Variants in FKBP5 observed in about 807,000 individuals in gnomAD.
The protein encoded by FKBP5 is peptidyl-prolyl cis-trans isomerase FKBP5.
Under a neutral mutation model 50.5 loss-of-function variants are expected in FKBP5, and 23 were observed. The ratio of observed to expected loss-of-function variants is 0.46; its 90% CI spans 0.33 to 0.65. The LOEUF is 0.65. Among genes scored for constraint, FKBP5 ranks in the 30% least tolerant of loss-of-function variants. The pLI, the probability that FKBP5 is intolerant of heterozygous loss-of-function variation, is 0.02. For synonymous variants in FKBP5, 176 were observed against 190.6 expected, an observed-to-expected ratio of 0.92 and a Z score of 0.63; for missense variants, 411 against 553.1, an observed-to-expected ratio of 0.74 and a Z score of 2.58.
At chr6:35,621,172 A>G (rs1412760258) in intron 3 of FKBP5, among the ~76,000 whole-genome samples, 1 of 152,256 alleles carries the variant, frequency 6.6e-6, no homozygotes, top group Non-Finnish European at 1.5e-5. Flanking sequence ...TACTTCCAGG[A>G]AACTAAGTTA....
intron 4 of FKBP5, among the ~76,000 whole-genome samples, chr6:35,619,762 A>G (rs1330050303): frequency 6.6e-6 from 1 of 152,232 alleles, no homozygotes; most frequent in Non-Finnish European, 1.5e-5. Context: ...ATAAATTTTT[A>G]TAATATGTAA....
At chr6:35,723,786 G>A (rs1390840344) in intron 1 of FKBP5, among the ~76,000 whole-genome samples, 1 of 152,242 alleles carries the variant, frequency 6.6e-6, no homozygotes, top group Non-Finnish European at 1.5e-5. Flanking sequence ...AGATAAGGCT[G>A]GCACGGGCAG....
At chr6:35,727,840 C>T (rs1271521215) in intron 1 of FKBP5, among the ~76,000 whole-genome samples, 1 of 152,196 alleles carries the variant, frequency 6.6e-6, no homozygotes, top group Non-Finnish European at 1.5e-5. Flanking sequence ...CCTGCTCCCT[C>T]CCCCAGCTGT....
At chr6:35,678,404 T>C (rs141305809) in intron 1 of FKBP5, among the ~76,000 whole-genome samples, 1 of 152,208 alleles carries the variant, frequency 6.6e-6, no homozygotes, top group East Asian at 1.9e-4. Context: ...ATGATGAAGG[T>C]TTTAGAGAAA....
Position 35,700,723 on chromosome 6 carries a change from C to G in FKBP5, c.-20+19605G>C, listed in dbSNP as rs186976823. ...CTGCAATCCCAGCACTTTGGGAGGC[C>G]GAGGTGGGCGGATCACCTGAGGTCA... On this transcript the variant is annotated intron_variant, in intron 2 of 11. Coordinates refer to the FKBP5 transcript ENST00000536438. 7.2e-3 allele frequency among the ~76,000 whole-genome samples: 1,097 copies of G among 152,226 alleles called. 9 individuals carry two copies. Among genetic ancestry groups the G allele is most frequent in the South Asian group, 0.019 (90 of 4,826 alleles).
At chr6:35,648,188 A>G (rs1343747275) in intron 1 of FKBP5, among the ~76,000 whole-genome samples, 1 of 152,106 alleles carries the variant, frequency 6.6e-6, no homozygotes, top group African/African-American at 2.4e-5. Context: ...ATGGTTGAGA[A>G]CCACTGGACA....
At chr6:35,606,659 C>CAAAAAAAAAAAAA (rs61139697) in intron 5 of FKBP5, among the ~76,000 whole-genome samples, 1 of 25,134 alleles carries the variant, frequency 4.0e-5, no homozygotes, top group African/African-American at 1.5e-4. Context: ...GACTCCGTCT[C>CAAAAAAAAAAAAA]AAAAAAAAAA....
intron 5 of FKBP5, among the ~76,000 whole-genome samples, chr6:35,613,225 A>T (rs1437784643): frequency 1.3e-5 from 2 of 151,532 alleles, no homozygotes; most frequent in Admixed American, 6.6e-5. Context: ...TTATTTATTT[A>T]TTTTTTTGAG....
intron 3 of FKBP5, among the ~76,000 whole-genome samples, chr6:35,626,543 C>T (rs1432317651): frequency 2.0e-5 from 3 of 152,144 alleles, no homozygotes; most frequent in Non-Finnish European, 4.4e-5. Context: ...TTAAAGTGCA[C>T]AGTTCACTAT....
At position 35,642,843 on chromosome 6, in the gene FKBP5, C is replaced by G. The variant is rs374839766; in HGVS notation, c.-19G>C. Reference sequence around the variant, plus strand: ...TAGTCATTGTCTTTTAAGTAGAGAACCTGGTAAGAAGAAAAATATTTTAGC... The same window carrying G: ...TAGTCATTGTCTTTTAAGTAGAGAAGCTGGTAAGAAGAAAAATATTTTAGC... On this transcript the variant is annotated splice_region_variant and 5_prime_UTR_variant, in exon 2 of 11. Coordinates refer to ENST00000357266, the MANE Select transcript of FKBP5 (RefSeq NM_004117.4). The G allele has an allele frequency of 7.5e-6, 12 of 1,596,332 alleles. No individual in the cohort carries two copies. The highest frequency in any genetic ancestry group is 6.7e-5 in the East Asian group (3 of 44,692).
At chr6:35,576,023 G>C in intron 10 of FKBP5, 81 bp from the exon 11 acceptor site, 2 of 964,546 alleles carry the variant, frequency 2.1e-6, no homozygotes, top group Non-Finnish European at 3.4e-6. Context: ...TGTGTATCAG[G>C]TCCCAAACAC....
At position 35,582,752 on chromosome 6, in the gene FKBP5, C is replaced by T. The variant is rs1459556016; in HGVS notation, c.841-2531G>A. 4 of 985,218 alleles carry T rather than the reference C, an allele frequency of 4.1e-6. 1 individual carries two copies. The Admixed American group carries it at 2.5e-4, about 61-fold the overall frequency. The allele number at this position is 985,218 out of a possible 1,614,324, so 61.0% of individuals were successfully genotyped here. ...TGCTACAAAAAAAAAAGAATAAAGT[C>T]CTCACCAGTTTCAGGTCGGCATTTT... On this transcript the variant is annotated intron_variant, in intron 8 of 10. Coordinates refer to ENST00000357266, the MANE Select transcript of FKBP5 (RefSeq NM_004117.4).
At chr6:35,670,799 C>T (rs1335387074) in intron 1 of FKBP5, among the ~76,000 whole-genome samples, 1 of 150,840 alleles carries the variant, frequency 6.6e-6, no homozygotes, top group Non-Finnish European at 1.5e-5. Context: ...TCATTAGCTG[C>T]AGAGTAGACA....
rs781516712 is a variant in FKBP5, at chr6:35,667,589, T to C, written c.-20+21215A>G. Among the ~76,000 whole-genome samples, 10 of 152,202 alleles carry C rather than the reference T, an allele frequency of 6.6e-5. 2 individuals are homozygous for C. Among genetic ancestry groups the C allele is most frequent in the South Asian group, 2.1e-4 (1 of 4,834 alleles). ...CTCTTTCAAATAAACAAATAAGAAG[T>C]AACCTAGTTGGCTGGGTGCAGTGGC... On this transcript the variant is annotated intron_variant, in intron 1 of 10. Coordinates refer to ENST00000357266, the MANE Select transcript of FKBP5 (RefSeq NM_004117.4).
At chr6:35,627,596 C>T (rs1764038034) in intron 3 of FKBP5, among the ~76,000 whole-genome samples, 1 of 152,114 alleles carries the variant, frequency 6.6e-6, no homozygotes, top group Non-Finnish European at 1.5e-5. Context: ...CTGTTTGATG[C>T]ACAAAAGTTT....
intron 2 of FKBP5, among the ~76,000 whole-genome samples, chr6:35,699,624 C>T (rs1032776150): frequency 6.6e-6 from 1 of 152,090 alleles, no homozygotes. Flanking sequence ...AAGCCAAGTA[C>T]GAATGAGGCT....
At chr6:35,613,709 C>T (rs1466420218) in intron 5 of FKBP5, among the ~76,000 whole-genome samples, 1 of 152,174 alleles carries the variant, frequency 6.6e-6, no homozygotes, top group Non-Finnish European at 1.5e-5. Flanking sequence ...AAAACCAGGA[C>T]ATTTTAACCT....
chr6:35,634,991 A>T (rs1393515221), intron 3 of FKBP5, among the ~76,000 whole-genome samples: 4 of 147,300 alleles, frequency 2.7e-5, no homozygotes, highest in Non-Finnish European at 5.9e-5. Flanking sequence ...GGAGTTCAAG[A>T]CTAGCCTGGG....
intron 3 of FKBP5, among the ~76,000 whole-genome samples, chr6:35,626,015 G>A (rs531550786): frequency 6.6e-6 from 1 of 151,820 alleles, no homozygotes; most frequent in Non-Finnish European, 1.5e-5. Flanking sequence ...TCCTGACCTC[G>A]TGATCCGCCT....
Sources: allele counts gnomAD v4.1 joint callset (sites outside exome capture counted in the v4.1 genomes callset), GRCh38; gene constraint gnomAD v4.1.1; transcripts MANE v1.5; gene names NCBI Gene and HGNC (gene_info 2026-07-23, HGNC 2026-07-21).